Variants in DPYD observed in about 807,000 individuals in gnomAD.
The protein encoded by DPYD is dihydropyrimidine dehydrogenase [NADP(+)].
In DPYD, 109 loss-of-function variants were observed where a neutral mutation model predicts 116.2. The ratio of observed to expected loss-of-function variants is 0.94; its 90% CI spans 0.80 to 1.10. The LOEUF is 1.10. Ranked by LOEUF, DPYD falls within the 50% of genes least tolerant of loss-of-function variation. DPYD has a pLI of 0.00. For missense variants in DPYD, 1,302 were observed against 1,254.5 expected (o/e 1.04, Z -0.57); for synonymous variants, 440 against 432.0 (o/e 1.02, Z -0.23).
intron 14 of DPYD, among the ~76,000 whole-genome samples, chr1:97,416,196 G>A (rs72729905): frequency 0.097 from 14,697 of 152,124 alleles, 746 homozygotes; most frequent in South Asian, 0.14. Context: ...TATAAAAAGG[G>A]CAATCTAATT....
At chr1:97,828,307 T>C (rs1669348559) in intron 2 of DPYD, 111 bp from the exon 3 acceptor site, 4 of 894,552 alleles carry the variant, frequency 4.5e-6, no homozygotes, top group South Asian at 4.3e-5. Flanking sequence ...TCATGAAAAA[T>C]ATGCATACCA....
At chr1:97,480,732 G>A (rs1427860415) in intron 13 of DPYD, among the ~76,000 whole-genome samples, 1 of 152,200 alleles carries the variant, frequency 6.6e-6, no homozygotes, top group Non-Finnish European at 1.5e-5. Context: ...TGTAATCCCA[G>A]CACTTTGGGA....
chr1:97,566,316 T>C (rs529647063), intron 11 of DPYD, among the ~76,000 whole-genome samples: 8 of 152,318 alleles, frequency 5.3e-5, no homozygotes, highest in South Asian at 2.1e-4. Flanking sequence ...CTAGCCACCA[T>C]ACGTTATTTA....
chr1:97,668,526 A>G (rs1338343941), intron 8 of DPYD, among the ~76,000 whole-genome samples: 2 of 152,218 alleles, frequency 1.3e-5, no homozygotes, highest in East Asian at 3.9e-4. Context: ...TAAATATATA[A>G]TAACCTCTTT....
chr1:97,772,400 T>C (rs1308507915), intron 3 of DPYD, among the ~76,000 whole-genome samples: 1 of 152,214 alleles, frequency 6.6e-6, no homozygotes, highest in African/African-American at 2.4e-5. Context: ...AACAGCAGTA[T>C]TCCACCTCTC....
intron 18 of DPYD, 108 bp downstream of exon 18, chr1:97,305,151 A>G: frequency 6.7e-7 from 1 of 1,499,666 alleles, no homozygotes; most frequent in Non-Finnish European, 9.2e-7. Flanking sequence ...ATCAGCTATG[A>G]GTTATAAGAA....
In DPYD at chr1:97,723,408, T is replaced by C. The variant is rs1280849497; in HGVS notation, c.322-1737A>G. Among the ~76,000 whole-genome samples the C allele has an allele frequency of 2.6e-5, 4 of 151,518 alleles. No homozygotes were observed. In the East Asian group the frequency reaches 7.7e-4, roughly 29 times the overall value. On this transcript the variant is annotated intron_variant, in intron 4 of 22. Transcript: ENST00000370192. Reference sequence around the variant, plus strand: ...GGCTCAATAGATTACAGAATCTAGTTACAGTGATCTTATTCAGCTATGGTC... The same window carrying C: ...GGCTCAATAGATTACAGAATCTAGTCACAGTGATCTTATTCAGCTATGGTC...
rs567147602 is a variant in DPYD at position 97,563,666 on chromosome 1, C to T, written c.1339+10094G>A. ...CAGAGCTATTCACTGGGGAAACAAA[C>T]CTATTCCTATGCAGTTATTAGAGGG... is the stretch of plus-strand genomic sequence containing the variant. On this transcript the variant is annotated intron_variant, in intron 11 of 22. Coordinates refer to ENST00000370192, the MANE Select transcript of DPYD (RefSeq NM_000110.4). Among the ~76,000 whole-genome samples, 7 of 152,242 alleles carry T rather than the reference C, an allele frequency of 4.6e-5. No homozygotes were observed. The East Asian group carries it at 1.3e-3, about 29-fold the overall frequency.
chr1:97,355,870 T>C (rs1032143430), intron 16 of DPYD, among the ~76,000 whole-genome samples: 27 of 152,328 alleles, frequency 1.8e-4, no homozygotes, highest in African/African-American at 6.5e-4. Flanking sequence ...CTATTGTGAA[T>C]AGTACTGCAA....
chr1:97,153,973 C>CAA lies in DPYD; in HGVS notation c.2622+39094_2622+39095dup, dbSNP rs60741755. Among the ~76,000 whole-genome samples the CAA allele has an allele frequency of 7.9e-3, 991 of 126,198 alleles. 15 individuals are homozygous for CAA. The highest frequency in any genetic ancestry group is 0.027 in the African/African-American group (944 of 35,196). 82.8% of individuals were successfully genotyped at this position (126,198 alleles called of 152,430 possible). On this transcript the variant is annotated intron_variant, in intron 20 of 22. Transcript: ENST00000370192. ...TCACTCCTGCAAGAATGGCCATGAT[C>CAA]AAAAAAAAAAAAAAAAGATGTTGGC...
intron 20 of DPYD, among the ~76,000 whole-genome samples, chr1:97,164,851 A>C (rs1253129964): frequency 6.6e-6 from 1 of 151,356 alleles, no homozygotes; most frequent in East Asian, 2.0e-4. Flanking sequence ...CCAAGTGCCC[A>C]AAACAACGTA....
chr1:97,807,454 A>G (rs533673528), intron 3 of DPYD, among the ~76,000 whole-genome samples: 25 of 152,148 alleles, frequency 1.6e-4, no homozygotes, highest in African/African-American at 6.0e-4. Flanking sequence ...GATGAGGTGT[A>G]TGTTCAGATC....
chr1:97,473,870 G>C (rs1340512549), intron 13 of DPYD, among the ~76,000 whole-genome samples: 1 of 151,902 alleles, frequency 6.6e-6, no homozygotes, highest in South Asian at 2.1e-4. Context: ...AACTTAGCTG[G>C]GCATGGTGGA....
chr1:97,316,895 G>C (rs1175116810), intron 16 of DPYD, among the ~76,000 whole-genome samples: 1 of 151,548 alleles, frequency 6.6e-6, no homozygotes, highest in East Asian at 2.0e-4. Flanking sequence ...TTTACCTATG[G>C]TGTATATTCC....
rs116617202 is a variant in DPYD, at chr1:97,174,565, A to G, written c.2622+18504T>C. ...AAGCTGGTTTCCAGCCAAGATTTTT[A>G]TCTAGGTACCAGCTATTCTTTTCCA... is the stretch of plus-strand genomic sequence containing the variant. On this transcript the variant is annotated intron_variant, in intron 20 of 22. Coordinates refer to ENST00000370192, the MANE Select transcript of DPYD (RefSeq NM_000110.4). 4.7e-3 allele frequency among the ~76,000 whole-genome samples: 719 copies of G among 152,226 alleles called. 5 individuals are homozygous for G. The highest frequency in any genetic ancestry group is 0.017 in the African/African-American group (691 of 41,554).
intron 1 of DPYD, among the ~76,000 whole-genome samples, chr1:97,898,681 T>C (rs1035841428): frequency 3.9e-5 from 6 of 152,070 alleles, no homozygotes; most frequent in Non-Finnish European, 7.4e-5. Flanking sequence ...CAAACCCACC[T>C]TGAACTGTAA....
At chr1:97,407,275 T>A (rs1032513383) in intron 14 of DPYD, among the ~76,000 whole-genome samples, 4 of 152,140 alleles carry the variant, frequency 2.6e-5, no homozygotes, top group African/African-American at 9.7e-5. Context: ...TTTAAGCACA[T>A]GGGTGTTGTA....
intron 10 of DPYD, among the ~76,000 whole-genome samples, chr1:97,582,696 A>C (rs2102216011): frequency 6.6e-6 from 1 of 152,306 alleles, no homozygotes; most frequent in South Asian, 2.1e-4. Flanking sequence ...GTATGGTATT[A>C]CAGGCTTCAT....
chr1:97,287,976 A>T (rs6689165), intron 18 of DPYD, among the ~76,000 whole-genome samples: 88,209 of 149,308 alleles, frequency 0.59, 26,307 homozygotes, highest in South Asian at 0.71. Context: ...GCTCAAAATA[A>T]AAGGATGGAG....
Sources: allele counts gnomAD v4.1 joint callset (sites outside exome capture counted in the v4.1 genomes callset), GRCh38; gene constraint gnomAD v4.1.1; transcripts MANE v1.5; gene names NCBI Gene and HGNC (gene_info 2026-07-23, HGNC 2026-07-21).